Variants in ARL5C observed in about 807,000 individuals in gnomAD.
ARL5C encodes ARF like GTPase 5C, also known as putative ADP-ribosylation factor-like protein 5C.
ARL5C carries 21 observed loss-of-function variants against 20.8 expected under a neutral mutation model. That is an observed-to-expected ratio of 1.01 (90% CI 0.72 to 1.46). The LOEUF (loss-of-function observed/expected upper bound fraction) is 1.46. ARL5C is among the 40% of genes most tolerant of loss of function. The pLI is 0.00. For synonymous variants in ARL5C, 71 were observed against 81.6 expected, an observed-to-expected ratio of 0.87 and a Z score of 0.70; for missense variants, 199 against 225.1, an observed-to-expected ratio of 0.88 and a Z score of 0.74.
chr17:39,161,308 A>G lies in ARL5C; in HGVS notation c.299T>C (p.Leu100Pro), dbSNP rs1385516355. Reference protein sequence around the residue: ...VIDSTDRDRLLTTREELYKML... With the variant: ...VIDSTDRDRLPTTREELYKML... ...TTTATATAGCTCCTCCCGAGTGGTC[A>G]GCAGCCGATCCCGGTCCGTGCTGTC... Residue 100 changes from leucine (L) to proline (P), a missense_variant, in exon 4 of 6, where the codon CTG becomes CCG. Transcript: ENST00000269586. 3 of 1,551,862 alleles carry G rather than the reference A, an allele frequency of 1.9e-6. No homozygotes were observed. In the South Asian group the frequency reaches 3.6e-5, roughly 18 times the overall value.
chr17:39,163,345 CCTTTCTTT>C (rs57401429), intron 2 of ARL5C, among the ~76,000 whole-genome samples: 2,379 of 136,850 alleles, frequency 0.017, 21 homozygotes, highest in Admixed American at 0.027. Flanking sequence ...CAGGCTTTTG[CCTTTCTTT>C]CTTTCTTTCT....
At chr17:39,162,164 A>G (rs1056117618) in intron 3 of ARL5C, among the ~76,000 whole-genome samples, 6 of 152,208 alleles carry the variant, frequency 3.9e-5, no homozygotes, top group Non-Finnish European at 1.5e-5. Context: ...GAAAGCTGCC[A>G]GCAGCTGCCA....
chr17:39,165,886 C>A lies in ARL5C; in HGVS notation c.-126G>T. The A allele has an allele frequency of 8.7e-7, 1 of 1,150,716 alleles. No individual in the cohort carries two copies. The highest frequency in any genetic ancestry group is 1.4e-5 in the South Asian group (1 of 72,796). The allele number at this position is 1,150,716 out of a possible 1,614,324, so 71.3% of individuals were successfully genotyped here. On this transcript the variant is annotated 5_prime_UTR_variant, in exon 1 of 6. Coordinates refer to ENST00000269586, the MANE Select transcript of ARL5C (RefSeq NM_001143968.1). ...ATTTTGCCTACGAAGTTAGGGAAGC[C>A]CCACACGTCACCAACCTGACCTGGG... is the stretch of plus-strand genomic sequence containing the variant.
At position 39,165,129 on chromosome 17, in the gene ARL5C, G is replaced by C. The variant is rs1597669727; in HGVS notation, c.57C>G (p.Val19=). The change falls in exon 2 of 6, where the codon GTC becomes GTG. Residue 19 remains valine, a synonymous_variant. Transcript: ENST00000269586. The part of the protein sequence containing the change: ...MSIFGNQEHT[V]IIVGLDNEGK... The stretch of plus-strand genomic sequence containing the variant: ...CTTCATTGTCCAGTCCCACGATGAT[G>C]ACCGTGTGCTCTGGAAGCGTCGGAG... The C allele has an allele frequency of 6.4e-7, 1 of 1,551,580 alleles. No homozygotes were observed. Among genetic ancestry groups the C allele is most frequent in the East Asian group, 2.4e-5 (1 of 40,940 alleles).
At position 39,162,875 on chromosome 17, in the gene ARL5C, G is replaced by A. The variant is rs781260429; in HGVS notation, c.108-17C>T. The A allele has an allele frequency of 6.5e-6, 10 of 1,548,838 alleles. No individual in the cohort carries two copies. The highest frequency in any genetic ancestry group is 8.7e-6 in the Non-Finnish European group (10 of 1,146,438). ...TTGGTCAAGCTGGGGAGGTAGGAGTGGGCACCAAGAGCTCAGTCCAGCCTA... is the reference window on the plus strand; with the variant it reads ...TTGGTCAAGCTGGGGAGGTAGGAGTAGGCACCAAGAGCTCAGTCCAGCCTA... On this transcript the variant is annotated splice_polypyrimidine_tract_variant and intron_variant, in intron 2 of 5. Coordinates refer to ENST00000269586, the MANE Select transcript of ARL5C (RefSeq NM_001143968.1).
In ARL5C at chr17:39,165,093, G is replaced by C; in HGVS notation, c.93C>G (p.Thr31=). Residue 31 remains threonine (T), a synonymous_variant, in exon 2 of 6, where the codon ACC becomes ACG. Transcript: ENST00000269586. ...GAGTCACTTACAACCGGTAGAGAAT[G>C]GTGGTCTTTCCTTCATTGTCCAGTC... The part of the protein sequence containing the change: ...IVGLDNEGKT[T]ILYRFLTNEV... 2 of 1,551,668 alleles carry C rather than the reference G, an allele frequency of 1.3e-6. No individual in the cohort carries two copies. The highest frequency in any genetic ancestry group is 1.7e-6 in the Non-Finnish European group (2 of 1,146,958).
intron 2 of ARL5C, among the ~76,000 whole-genome samples, chr17:39,164,806 T>G (rs1044689976): frequency 1.3e-5 from 2 of 151,970 alleles, no homozygotes; most frequent in Non-Finnish European, 2.9e-5. Flanking sequence ...GGGAGGCAGT[T>G]TGGGACACTT....
chr17:39,161,092 A>G (rs945582619), intron 4 of ARL5C, among the ~76,000 whole-genome samples, 176 bp downstream of exon 4: 6 of 152,202 alleles, frequency 3.9e-5, no homozygotes. Flanking sequence ...TCTATAGTCA[A>G]TTGCACTGAG....
chr17:39,165,847 G>A lies in ARL5C; in HGVS notation c.-87C>T, dbSNP rs2045461130. The A allele has an allele frequency of 2.7e-6, 4 of 1,484,570 alleles. No homozygotes were observed. Among genetic ancestry groups the A allele is most frequent in the Admixed American group, 2.0e-5 (1 of 50,436 alleles). 92.0% of individuals were successfully genotyped at this position (1,484,570 alleles called of 1,614,324 possible). Reference sequence around the variant, plus strand: ...TGGTATTCGGAGCTCCGCTCCCCCGGGAGGGTCTGGCAGATTTTGCCTACG... The same window carrying A: ...TGGTATTCGGAGCTCCGCTCCCCCGAGAGGGTCTGGCAGATTTTGCCTACG... On this transcript the variant is annotated 5_prime_UTR_variant, in exon 1 of 6. Transcript: ENST00000269586.
In ARL5C at chr17:39,166,120, C is replaced by T. The variant is rs1208033870; in HGVS notation, c.-360G>A. ...CAGCACTGCGCGCGGAACCGGATCC[C>T]AGCTCTCCCTCCTCTGAGTGCCATG... On this transcript the variant is annotated 5_prime_UTR_variant, in exon 1 of 6. Transcript: ENST00000269586. 3.3e-6 allele frequency: 1 copy of T among 298,826 alleles called. No individual in the cohort carries two copies. Among genetic ancestry groups the T allele is most frequent in the Non-Finnish European group, 6.5e-6 (1 of 154,414 alleles). 18.5% of individuals were successfully genotyped at this position (298,826 alleles called of 1,614,324 possible).
chr17:39,162,866 G>A lies in ARL5C; in HGVS notation c.108-8C>T, dbSNP rs1248698675. ...ACCACCTCATTGGTCAAGCTGGGGA[G>A]GTAGGAGTGGGCACCAAGAGCTCAG... On this transcript the variant is annotated splice_region_variant and splice_polypyrimidine_tract_variant and intron_variant, in intron 2 of 5. Coordinates refer to ENST00000269586, the MANE Select transcript of ARL5C (RefSeq NM_001143968.1). The A allele has an allele frequency of 1.3e-6, 2 of 1,549,426 alleles. No homozygotes were observed. Among genetic ancestry groups the A allele is most frequent in the African/African-American group, 1.4e-5 (1 of 73,108 alleles).
At chr17:39,165,225 G>A (rs1038906649) in intron 1 of ARL5C, 86 bp from the exon 2 acceptor site, 14 of 1,373,364 alleles carry the variant, frequency 1.0e-5, no homozygotes, top group Non-Finnish European at 1.2e-5. Context: ...CCAGGAAGGA[G>A]ATAGCGCTCC....
In ARL5C at chr17:39,165,919, T is replaced by A; in HGVS notation, c.-159A>T. On this transcript the variant is annotated 5_prime_UTR_variant, in exon 1 of 6. Coordinates refer to ENST00000269586, the MANE Select transcript of ARL5C (RefSeq NM_001143968.1). Reference sequence around the variant, plus strand: ...TCACCAACCTGACCTGGGAACCCTCTGGGACGCTGGCCCTTCGTGGGCACT... The same window carrying A: ...TCACCAACCTGACCTGGGAACCCTCAGGGACGCTGGCCCTTCGTGGGCACT... 1.3e-6 allele frequency: 1 copy of A among 794,386 alleles called. No individual in the cohort carries two copies. Among genetic ancestry groups the A allele is most frequent in the Non-Finnish European group, 2.0e-6 (1 of 496,972 alleles). The allele number at this position is 794,386 out of a possible 1,614,324, so 49.2% of individuals were successfully genotyped here.
Position 39,162,832 on chromosome 17 carries a change from C to T in ARL5C, c.134G>A (p.Cys45Tyr). The T allele has an allele frequency of 6.4e-7, 1 of 1,551,012 alleles. No homozygotes were observed. Among genetic ancestry groups the T allele is most frequent in the East Asian group, 2.4e-5 (1 of 40,980 alleles). The change falls in exon 3 of 6, where the codon TGT becomes TAT. Residue 45 changes from cysteine (C) to tyrosine (Y), a missense_variant. Physicochemically the swap from Cys to Tyr is radical, Grantham distance 194. Coordinates refer to ENST00000269586, the MANE Select transcript of ARL5C (RefSeq NM_001143968.1). ...RFLTNEVVHM[C>Y]PTIGSNVEEI... ...CTCCACGTTGCTGCCAATGGTGGGA[C>T]ACATATGGACCACCTCATTGGTCAA...
intron 2 of ARL5C, 77 bp from the exon 3 acceptor site, chr17:39,162,935 A>C (rs2045442035): frequency 3.4e-6 from 5 of 1,490,506 alleles, no homozygotes; most frequent in Non-Finnish European, 4.5e-6. Flanking sequence ...TCTACTCCCA[A>C]AGCAGTCTGA....
chr17:39,160,593 T>A lies in ARL5C; in HGVS notation c.489A>T (p.Glu163Asp), dbSNP rs759664891. The change falls in exon 5 of 6, where the codon GAA (glutamate) becomes GAT (aspartate). Residue 163 changes from glutamate to aspartate, a missense_variant and splice_region_variant. Coordinates refer to ENST00000269586, the MANE Select transcript of ARL5C (RefSeq NM_001143968.1). ...HIQGCCALTR[E>D]GLPARLQWME... is the part of the protein sequence containing the mutation. ...ATCCAGGTAGGGCAGCCACTAACCCTTCCCTGGTGAGGGCACAGCAGCCTT... is the reference window on the plus strand; with the variant it reads ...ATCCAGGTAGGGCAGCCACTAACCCATCCCTGGTGAGGGCACAGCAGCCTT... 1.3e-6 allele frequency: 2 copies of A among 1,551,698 alleles called. No homozygotes were observed. The highest frequency in any genetic ancestry group is 2.4e-5 in the South Asian group (2 of 84,054).
At chr17:39,165,656 G>T in intron 1 of ARL5C, 59 bp downstream of exon 1, 2 of 1,547,986 alleles carry the variant, frequency 1.3e-6, no homozygotes, top group Non-Finnish European at 1.7e-6. Flanking sequence ...ACAGATCAGA[G>T]GAGTCCCAGA....
At chr17:39,163,803 C>T (rs1300173409) in intron 2 of ARL5C, among the ~76,000 whole-genome samples, 6 of 151,334 alleles carry the variant, frequency 4.0e-5, no homozygotes, top group African/African-American at 1.5e-4. Context: ...CTCCCTTTGT[C>T]GCCCAGGCTG....
At chr17:39,157,592 C>A (rs2045411589) in intron 5 of ARL5C, among the ~76,000 whole-genome samples, 1 of 148,622 alleles carries the variant, frequency 6.7e-6, no homozygotes, top group Admixed American at 6.7e-5. Context: ...GAATTCGAGA[C>A]CAGCCTGACC....
Sources: gnomAD v4.1 joint callset for allele counts (sites outside exome capture counted in the v4.1 genomes callset) on GRCh38, gnomAD v4.1.1 for gene constraint, MANE v1.5 for transcripts, NCBI Gene and HGNC (gene_info 2026-07-23, HGNC 2026-07-21) for gene names.